Variants in ZZEF1 observed in about 807,000 individuals in gnomAD.
The protein encoded by ZZEF1 is zinc finger ZZ-type and EF-hand domain containing 1.
ZZEF1 carries 157 observed loss-of-function variants against 342.8 expected under a neutral mutation model. That is an observed-to-expected ratio of 0.46 (90% CI 0.40 to 0.52). ZZEF1 has a LOEUF of 0.52. Among genes scored for constraint, ZZEF1 ranks in the 20% least tolerant of loss-of-function variants. The probability of loss-of-function intolerance (pLI) is 0.00; values close to 1 mark genes in which losing one functional copy is unlikely to be tolerated. For missense variants in ZZEF1, 3,480 were observed against 3,725.6 expected (o/e 0.93, Z 1.72); for synonymous variants, 1,505 against 1,429.1 (o/e 1.05, Z -1.20).
intron 2 of ZZEF1, 140 bp downstream of exon 2, chr17:4,123,767 G>T: frequency 2.1e-6 from 2 of 939,768 alleles, no homozygotes; most frequent in African/African-American, 1.7e-5. Flanking sequence ...ATGACTAAAG[G>T]AAATGCTAAT....
intron 42 of ZZEF1, among the ~76,000 whole-genome samples, chr17:4,027,931 C>T (rs1008469322): frequency 2.6e-5 from 4 of 152,154 alleles, no homozygotes; most frequent in Non-Finnish European, 4.4e-5. Flanking sequence ...CTTCCCACCT[C>T]ACTCAGCCTC....
intron 26 of ZZEF1, among the ~76,000 whole-genome samples, chr17:4,067,588 C>A (rs781039233): frequency 2.6e-5 from 4 of 151,904 alleles, no homozygotes; most frequent in Non-Finnish European, 4.4e-5. Context: ...GAAGAAAGTT[C>A]ATGGTATATT....
chr17:4,128,857 C>T (rs1265120077), intron 1 of ZZEF1, among the ~76,000 whole-genome samples: 2 of 149,286 alleles, frequency 1.3e-5, no homozygotes, highest in African/African-American at 2.5e-5. Flanking sequence ...CTGCAACCTC[C>T]GCCTCCCGAG....
intron 51 of ZZEF1, among the ~76,000 whole-genome samples, 162 bp from the exon 52 acceptor site, chr17:4,013,776 C>T (rs939022844): frequency 2.0e-5 from 3 of 152,160 alleles, no homozygotes; most frequent in South Asian, 2.1e-4. Flanking sequence ...GAAATTAAGG[C>T]TTTTGTAAAA....
intron 1 of ZZEF1, among the ~76,000 whole-genome samples, chr17:4,129,823 C>G (rs897388007): frequency 1.8e-4 from 27 of 152,260 alleles, no homozygotes; most frequent in African/African-American, 5.5e-4. Flanking sequence ...CCATGGAATA[C>G]TATGCAGCCA....
intron 1 of ZZEF1, among the ~76,000 whole-genome samples, chr17:4,136,486 T>C (rs1387988483): frequency 2.0e-5 from 3 of 152,120 alleles, no homozygotes; most frequent in Non-Finnish European, 4.4e-5. Context: ...ACTGAGACAC[T>C]GTGGTCAAGT....
intron 7 of ZZEF1, 42 bp from the exon 8 acceptor site, chr17:4,104,853 GA>G: frequency 6.3e-7 from 1 of 1,581,726 alleles, no homozygotes. Flanking sequence ...TTAAAAACAT[GA>G]AAAAATCCAG....
At chr17:4,058,255 A>T (rs1165591650) in intron 31 of ZZEF1, 100 bp from the exon 32 acceptor site, 2 of 1,302,966 alleles carry the variant, frequency 1.5e-6, no homozygotes, top group Admixed American at 5.4e-5. Context: ...TTGAAAGCAG[A>T]AGGGAACTTC....
Position 4,052,070 on chromosome 17 carries a change from T to C in ZZEF1, c.5501A>G (p.His1834Arg). ...CCGGCCTATGATCAAACCCTGGCAG[T>C]GGTCACAGGTAAACTCCATGTTGAC... ...EMVNMEFTCD[H>R]CQGLIIGRRM... Residue 1834 changes from histidine (H) to arginine (R), a missense_variant, in exon 35 of 55, where the codon CAC (histidine) becomes CGC (arginine). By Grantham distance (29) the His-to-Arg change is conservative. Transcript: ENST00000381638. 6.2e-7 allele frequency: 1 copy of C among 1,614,170 alleles called. No individual in the cohort carries two copies. The highest frequency in any genetic ancestry group is 8.5e-7 in the Non-Finnish European group (1 of 1,180,028).
At position 4,075,246 on chromosome 17, in the gene ZZEF1, G is replaced by C; in HGVS notation, c.3401+17C>G. The C allele has an allele frequency of 3.7e-6, 6 of 1,613,710 alleles. No homozygotes were observed. The highest frequency in any genetic ancestry group is 5.1e-6 in the Non-Finnish European group (6 of 1,179,686). On this transcript the variant is annotated intron_variant, in intron 22 of 54. Transcript: ENST00000381638. ...GACCTATTAGCGCTTGGGGGTGAAA[G>C]AATATAGAAGTCTTACCTTTTTTCA... is the stretch of plus-strand genomic sequence containing the variant.
intron 49 of ZZEF1, among the ~76,000 whole-genome samples, chr17:4,015,222 C>T (rs938031975): frequency 3.9e-5 from 6 of 152,280 alleles, no homozygotes; most frequent in African/African-American, 7.2e-5. Context: ...TCTTTGGGAT[C>T]GAACCTGGTG....
At chr17:4,126,707 C>A (rs1028025561) in intron 1 of ZZEF1, among the ~76,000 whole-genome samples, 1 of 152,162 alleles carries the variant, frequency 6.6e-6, no homozygotes, top group Admixed American at 6.5e-5. Context: ...ATAATTCCAG[C>A]ACCTTGGGAG....
intron 54 of ZZEF1, 78 bp from the exon 55 acceptor site, chr17:4,007,048 G>A (rs754404047): frequency 1.7e-5 from 22 of 1,293,728 alleles, no homozygotes; most frequent in Non-Finnish European, 1.9e-5. Flanking sequence ...ACCCTCAGCT[G>A]AGCACTGAGG....
intron 32 of ZZEF1, 24 bp from the exon 33 acceptor site, chr17:4,056,369 A>G: frequency 6.4e-7 from 1 of 1,560,518 alleles, no homozygotes; most frequent in Non-Finnish European, 8.7e-7. Flanking sequence ...ATAAAGAGAG[A>G]AAAGCATGCC....
intron 1 of ZZEF1, among the ~76,000 whole-genome samples, chr17:4,133,032 G>A (rs2058694375): frequency 6.6e-6 from 1 of 151,958 alleles, no homozygotes; most frequent in South Asian, 2.1e-4. Context: ...TCTTCCCTGA[G>A]GCCCTGCGGT....
rs2057106505 is a variant in ZZEF1, at chr17:4,054,097, C to T, written c.5394G>A (p.Leu1798=). 6.2e-7 allele frequency: 1 copy of T among 1,613,672 alleles called. No individual in the cohort carries two copies. The highest frequency in any genetic ancestry group is 1.3e-5 in the African/African-American group (1 of 74,942). ...TGCAGAGATCCATGTCGCTGCACTG[C>T]AGACAGCGGTATCGATGCCAGGGGG... The part of the protein sequence containing the change: ...EIAPWHRYRC[L]QCSDMDLCKT... The change falls in exon 34 of 55, where the codon CTG becomes CTA. Residue 1798 remains leucine (L), a synonymous_variant. Transcript: ENST00000381638.
rs781858 is a variant in ZZEF1 at position 4,019,454 on chromosome 17, A to C, written c.7505+215T>G. ...TTCCTCTCAGAGGCCGACTACAAAC[A>C]TAAGTTTTAAAGAGGAACCACAGTG... On this transcript the variant is annotated intron_variant, in intron 46 of 54. Transcript: ENST00000381638. Among the ~76,000 whole-genome samples the C allele has an allele frequency of 0.36, 54,599 of 152,078 alleles. 11,083 individuals are homozygous for C. The highest frequency in any genetic ancestry group is 0.54 in the African/African-American group (22,532 of 41,458).
Position 4,023,656 on chromosome 17 carries a change from C to CAAAAAAAAAAA in ZZEF1, c.7093-839_7093-829dup, listed in dbSNP as rs71144154. Among the ~76,000 whole-genome samples, 2 of 71,424 alleles carry CAAAAAAAAAAA rather than the reference C, an allele frequency of 2.8e-5. 1 individual carries two copies. The highest frequency in any genetic ancestry group is 9.9e-5 in the African/African-American group (2 of 20,256). 46.9% of individuals were successfully genotyped at this position (71,424 alleles called of 152,430 possible). On this transcript the variant is annotated intron_variant, in intron 43 of 54. Transcript: ENST00000381638. ...GAAACTTAGCAAGACCCTGTCTCTCCAAAAAAAAAAAAAAAAAAAAAATTA... is the reference window on the plus strand; with the variant it reads ...GAAACTTAGCAAGACCCTGTCTCTCCAAAAAAAAAAAAAAAAAAAAAAAAAAAAAAAAATTA...
intron 1 of ZZEF1, among the ~76,000 whole-genome samples, chr17:4,141,633 CCA>C (rs2058850545): frequency 6.6e-6 from 1 of 151,954 alleles, no homozygotes; most frequent in Non-Finnish European, 1.5e-5. Flanking sequence ...GAGTAAACCA[CCA>C]TGGCACACGT....
Sources: gnomAD v4.1 joint callset for allele counts (sites outside exome capture counted in the v4.1 genomes callset) on GRCh38, gnomAD v4.1.1 for gene constraint, MANE v1.5 for transcripts, NCBI Gene and HGNC (gene_info 2026-07-23, HGNC 2026-07-21) for gene names.